The following CNTN3 variants were observed in gnomAD, a reference collection of about 807,000 sequenced individuals.
The protein encoded by CNTN3 is contactin-3.
A neutral mutation model predicts 119.1 loss-of-function variants in CNTN3; 60 were observed. The ratio of observed to expected loss-of-function variants is 0.50; its 90% CI spans 0.41 to 0.62. The LOEUF is 0.62. Among genes scored for constraint, CNTN3 ranks in the 20% least tolerant of loss-of-function variants. The pLI, the probability that CNTN3 is intolerant of heterozygous loss-of-function variation, is 0.00. For missense variants in CNTN3, 1,101 were observed against 1,242.4 expected (o/e 0.89, Z 1.71); for synonymous variants, 450 against 438.7 (o/e 1.03, Z -0.32).
chr3:74,554,001 G>A (rs983098162), intron 1 of CNTN3, among the ~76,000 whole-genome samples: 1 of 152,138 alleles, frequency 6.6e-6, no homozygotes, highest in African/African-American at 2.4e-5. Flanking sequence ...CCATGCCTAT[G>A]TCCTGAATGG....
At chr3:74,368,196 G>A (rs536015830) in intron 8 of CNTN3, among the ~76,000 whole-genome samples, 19 of 152,084 alleles carry the variant, frequency 1.2e-4, no homozygotes, top group Non-Finnish European at 2.2e-4. Context: ...AATCGTGCCA[G>A]AAGTAATGCA....
intron 4 of CNTN3, among the ~76,000 whole-genome samples, chr3:74,439,271 C>T (rs1407173573): frequency 1.3e-5 from 2 of 152,130 alleles, no homozygotes; most frequent in African/African-American, 2.4e-5. Flanking sequence ...CTTTGGGAGG[C>T]CAAGGTAGGC....
intron 4 of CNTN3, among the ~76,000 whole-genome samples, chr3:74,445,977 G>T (rs753803505): frequency 6.6e-6 from 1 of 152,138 alleles, no homozygotes; most frequent in Non-Finnish European, 1.5e-5. Context: ...GCACTTCATT[G>T]TCACAACCAT....
chr3:74,560,597 A>G (rs1704138036), intron 1 of CNTN3, among the ~76,000 whole-genome samples: 1 of 152,142 alleles, frequency 6.6e-6, no homozygotes, highest in Non-Finnish European at 1.5e-5. Context: ...TAGTACAACC[A>G]TTGTGGAAGA....
At chr3:74,502,120 A>T (rs1220051955) in intron 2 of CNTN3, among the ~76,000 whole-genome samples, 2 of 152,160 alleles carry the variant, frequency 1.3e-5, no homozygotes, top group African/African-American at 4.8e-5. Context: ...ATTATTTATG[A>T]GATGGGATAG....
At position 74,547,045 on chromosome 3, in the gene CNTN3, C is replaced by T. The variant is rs115081598; in HGVS notation, c.-80-25853G>A. 4.3e-3 allele frequency among the ~76,000 whole-genome samples: 654 copies of T among 152,318 alleles called. 6 individuals are homozygous for T. Among genetic ancestry groups the T allele is most frequent in the African/African-American group, 0.015 (623 of 41,568 alleles). ...CACATCGCGCTGTCATTCCCATCCA[C>T]TTATCCAGGTTAACAAACTAATAGA... On this transcript the variant is annotated intron_variant, in intron 1 of 22. Transcript: ENST00000263665.
intron 2 of CNTN3, among the ~76,000 whole-genome samples, chr3:74,504,116 A>T (rs1170781644): frequency 6.6e-6 from 1 of 152,206 alleles, no homozygotes; most frequent in Non-Finnish European, 1.5e-5. Context: ...AAGAAATGAG[A>T]TTCCTAAAAG....
chr3:74,309,516 TG>T (rs1286583980), intron 13 of CNTN3, among the ~76,000 whole-genome samples: 1 of 152,190 alleles, frequency 6.6e-6, no homozygotes, highest in East Asian at 1.9e-4. Context: ...TAGTTCTCAG[TG>T]CTGGCTGTAC....
At chr3:74,316,927 CAA>C (rs144929614) in intron 13 of CNTN3, among the ~76,000 whole-genome samples, 69 of 128,742 alleles carry the variant, frequency 5.4e-4, no homozygotes, top group Admixed American at 5.5e-4. Flanking sequence ...GACTCCATCT[CAA>C]AAAAAAAAAA....
intron 5 of CNTN3, among the ~76,000 whole-genome samples, chr3:74,412,052 A>G (rs1701446676): frequency 6.6e-6 from 1 of 152,218 alleles, no homozygotes; most frequent in Non-Finnish European, 1.5e-5. Flanking sequence ...TATAGCTACA[A>G]TAGAATTAGG....
chr3:74,370,878 G>A (rs1008844554), intron 6 of CNTN3, among the ~76,000 whole-genome samples: 8 of 152,062 alleles, frequency 5.3e-5, no homozygotes, highest in East Asian at 1.9e-4. Context: ...CCCGAGCCCC[G>A]GGCTCAGAAG....
intron 20 of CNTN3, among the ~76,000 whole-genome samples, chr3:74,281,015 A>C (rs1226900197): frequency 3.9e-5 from 6 of 152,192 alleles, no homozygotes; most frequent in Non-Finnish European, 1.5e-5. Context: ...GAGATACAGG[A>C]AACAGTACAT....
At chr3:74,403,475 C>T (rs528374780) in intron 5 of CNTN3, among the ~76,000 whole-genome samples, 3 of 152,246 alleles carry the variant, frequency 2.0e-5, no homozygotes, top group South Asian at 4.1e-4. Context: ...AGAACTCAGA[C>T]TCGACCCAGA....
At chr3:74,478,397 A>C (rs892279123) in intron 4 of CNTN3, among the ~76,000 whole-genome samples, 10 of 152,114 alleles carry the variant, frequency 6.6e-5, no homozygotes, top group Non-Finnish European at 1.0e-4. Flanking sequence ...TATTCTCAAA[A>C]AAGGGTAAGG....
chr3:74,466,136 T>C (rs909718313), intron 4 of CNTN3, among the ~76,000 whole-genome samples: 2 of 152,060 alleles, frequency 1.3e-5, no homozygotes, highest in African/African-American at 4.8e-5. Flanking sequence ...AAAGATGCTG[T>C]CAGAAGGAGA....
At chr3:74,318,476 T>C (rs1199901477) in intron 13 of CNTN3, among the ~76,000 whole-genome samples, 1 of 152,210 alleles carries the variant, frequency 6.6e-6, no homozygotes, top group Non-Finnish European at 1.5e-5. Context: ...TTTTATCTAC[T>C]TGTCGTCTTT....
chr3:74,293,514 A>C (rs1702276116), intron 19 of CNTN3, among the ~76,000 whole-genome samples: 1 of 152,158 alleles, frequency 6.6e-6, no homozygotes, highest in African/African-American at 2.4e-5. Flanking sequence ...TCAGTCTGTC[A>C]TCCAGGCTAC....
At chr3:74,332,070 C>T (rs1397387806) in intron 13 of CNTN3, among the ~76,000 whole-genome samples, 1 of 152,206 alleles carries the variant, frequency 6.6e-6, no homozygotes, top group African/African-American at 2.4e-5. Flanking sequence ...ATTTTTAAAA[C>T]ATAGTTCTTA....
At chr3:74,443,133 GC>G (rs1222624830) in intron 4 of CNTN3, among the ~76,000 whole-genome samples, 1 of 152,172 alleles carries the variant, frequency 6.6e-6, no homozygotes, top group East Asian at 1.9e-4. Flanking sequence ...GACAGTAGCA[GC>G]TTTAAGGAGA....
Sources: gnomAD v4.1 joint callset for allele counts (sites outside exome capture counted in the v4.1 genomes callset) on GRCh38, gnomAD v4.1.1 for gene constraint, MANE v1.5 for transcripts, NCBI Gene and HGNC (gene_info 2026-07-23, HGNC 2026-07-21) for gene names.